GRIN2B: variants seen among roughly 807,000 people sequenced by gnomAD.
The protein encoded by GRIN2B is glutamate receptor ionotropic, NMDA 2B.
Under a neutral mutation model 114.5 loss-of-function variants are expected in GRIN2B, and 5 were observed. The observed-to-expected ratio is 0.04, with a 90% CI of 0.02 to 0.09. The LOEUF (loss-of-function observed/expected upper bound fraction) is 0.09. Ranked by LOEUF, GRIN2B falls within the 10% of genes least tolerant of loss-of-function variation. The probability of loss-of-function intolerance (pLI) is 1.00; values close to 1 mark genes in which losing one functional copy is unlikely to be tolerated. For missense variants in GRIN2B, 1,108 were observed against 1,943.5 expected (o/e 0.57, Z 8.08); for synonymous variants, 787 against 745.1 (o/e 1.06, Z -0.92).
At chr12:13,678,249 G>A (rs955223794) in intron 4 of GRIN2B, among the ~76,000 whole-genome samples, 1 of 152,088 alleles carries the variant, frequency 6.6e-6, no homozygotes, top group African/African-American at 2.4e-5. Flanking sequence ...TTTACAAATG[G>A]TAGCAGTTCT....
intron 2 of GRIN2B, among the ~76,000 whole-genome samples, chr12:13,897,963 A>T (rs1866379680): frequency 6.6e-6 from 1 of 150,806 alleles, no homozygotes; most frequent in Admixed American, 6.6e-5. Context: ...TACATTCTGC[A>T]CATGTACCCT....
Position 13,934,573 on chromosome 12 carries a change from C to T in GRIN2B, c.-19+45355G>A, listed in dbSNP as rs193182632. Among the ~76,000 whole-genome samples, 65 of 152,314 alleles carry T rather than the reference C, an allele frequency of 4.3e-4. No individual in the cohort carries two copies. The East Asian group carries it at 9.5e-3, about 22-fold the overall frequency. ...ATTCCACAGTGCTTCTCCGTTAGCA[C>T]GTCTCTCTTCCTACCCCAGGTTGAT... On this transcript the variant is annotated intron_variant, in intron 2 of 13. Transcript: ENST00000609686.
chr12:13,768,116 G>A (rs1378228432), intron 3 of GRIN2B, among the ~76,000 whole-genome samples: 2 of 152,228 alleles, frequency 1.3e-5, no homozygotes, highest in Non-Finnish European at 2.9e-5. Context: ...TCTAGAGTCA[G>A]AATTAGTTAA....
chr12:13,954,961 C>T (rs1018780016), intron 2 of GRIN2B, among the ~76,000 whole-genome samples: 3 of 151,898 alleles, frequency 2.0e-5, no homozygotes, highest in African/African-American at 7.3e-5. Flanking sequence ...TAGAGAAATG[C>T]TTTCATTATA....
intron 4 of GRIN2B, among the ~76,000 whole-genome samples, chr12:13,676,291 C>T (rs896813317): frequency 1.3e-5 from 2 of 152,056 alleles, no homozygotes; most frequent in Non-Finnish European, 2.9e-5. Context: ...CACCATGTCA[C>T]AAGTTTACCT....
chr12:13,641,658 T>C (rs1459411806), intron 5 of GRIN2B, among the ~76,000 whole-genome samples: 2 of 152,138 alleles, frequency 1.3e-5, no homozygotes, highest in African/African-American at 4.8e-5. Context: ...AACAAAGTCA[T>C]GGATGATCAT....
intron 8 of GRIN2B, among the ~76,000 whole-genome samples, chr12:13,614,695 T>C (rs1949413081): frequency 6.6e-6 from 1 of 152,190 alleles, no homozygotes; most frequent in South Asian, 2.1e-4. Context: ...TAAAAATAAA[T>C]AGATATTTCA....
intron 3 of GRIN2B, among the ~76,000 whole-genome samples, chr12:13,835,771 T>A (rs1293963911): frequency 3.3e-5 from 3 of 91,484 alleles, no homozygotes; most frequent in Admixed American, 1.3e-4. Flanking sequence ...CATAGCACAT[T>A]AAAAAAAAAA....
intron 4 of GRIN2B, among the ~76,000 whole-genome samples, chr12:13,711,938 C>A (rs997450981): frequency 1.6e-4 from 24 of 151,856 alleles, no homozygotes; most frequent in Non-Finnish European, 7.4e-5. Context: ...TGTATGTTTA[C>A]TGCGGCACTA....
rs529304146 is a variant in GRIN2B, at chr12:13,558,416, G to T, written c.*4367C>A. On this transcript the variant is annotated 3_prime_UTR_variant, in exon 14 of 14. Transcript: ENST00000609686. ...GGAATAGTTTTTCCAAAAGCTTATT[G>T]CCCAAACAATCTGGTTATTCTATCT... is the stretch of plus-strand genomic sequence containing the variant. 1.3e-5 allele frequency: 2 copies of T among 150,728 alleles called. No individual in the cohort carries two copies. The highest frequency in any genetic ancestry group is 4.9e-5 in the African/African-American group (2 of 40,946). 9.3% of individuals were successfully genotyped at this position (150,728 alleles called of 1,614,324 possible). A position where few individuals can be genotyped will look rare whatever the true frequency, so the allele number is the denominator to read the frequency against.
At chr12:13,622,866 A>G (rs77091411) in intron 5 of GRIN2B, among the ~76,000 whole-genome samples, 4,456 of 152,294 alleles carry the variant, frequency 0.029, 229 homozygotes, top group African/African-American at 0.1. Flanking sequence ...AATTGCCTCT[A>G]AAAGGTCCCA....
chr12:13,554,650 T>C lies in GRIN2B; in HGVS notation c.*8133A>G, dbSNP rs1169747396. 2 of 152,052 alleles carry C rather than the reference T, an allele frequency of 1.3e-5. No individual in the cohort carries two copies. The highest frequency in any genetic ancestry group is 2.9e-5 in the Non-Finnish European group (2 of 68,000). 9.4% of individuals were successfully genotyped at this position (152,052 alleles called of 1,614,324 possible). On this transcript the variant is annotated 3_prime_UTR_variant, in exon 14 of 14. Transcript: ENST00000609686. ...TGACATCTGATTTATATGTAGGAAGTGAGTACTGACAAGAGTAGATTCAAA... is the reference window on the plus strand; with the variant it reads ...TGACATCTGATTTATATGTAGGAAGCGAGTACTGACAAGAGTAGATTCAAA...
At chr12:13,843,252 G>GAC (rs1865416393) in intron 3 of GRIN2B, among the ~76,000 whole-genome samples, 1 of 151,174 alleles carries the variant, frequency 6.6e-6, no homozygotes, top group African/African-American at 2.4e-5. Flanking sequence ...CACTCGCACA[G>GAC]ACACACACAC....
chr12:13,753,709 G>A lies in GRIN2B; in HGVS notation c.618C>T (p.Asp206=), dbSNP rs77918519. 2.5e-6 allele frequency: 4 copies of A among 1,614,028 alleles called. No homozygotes were observed. The African/African-American group carries it at 5.3e-5, about 22-fold the overall frequency. The change falls in exon 4 of 14, where the codon GAC becomes GAT. Residue 206 remains aspartate, a synonymous_variant. Coordinates refer to ENST00000609686, the MANE Select transcript of GRIN2B (RefSeq NM_000834.5). This position sits in a 1 kb window ranked among gnomAD's most constrained non-coding sequence, Gnocchi z 6.2. ...GWELEEVLLL[D]MSLDDGDSKI... is the part of the protein sequence containing the mutation. ...TAGAATCTCCATCGTCCAGGGACAT[G>A]TCCAGTAGGAGGACCTCCTCTAGCT...
intron 3 of GRIN2B, among the ~76,000 whole-genome samples, chr12:13,811,409 C>T (rs1166437712): frequency 6.6e-6 from 1 of 152,090 alleles, no homozygotes; most frequent in Non-Finnish European, 1.5e-5. Flanking sequence ...CATAGAGAGA[C>T]CTCAACTCTA....
rs764790370 is a variant in GRIN2B, at chr12:13,570,061, A to G, written c.2172-44T>C. On this transcript the variant is annotated intron_variant, in intron 11 of 13. Coordinates refer to ENST00000609686, the MANE Select transcript of GRIN2B (RefSeq NM_000834.5). ...AACAAATCCAATGGAGGAATTTTAG[A>G]ACAAAACTACCTGTGGGGCCATTAA... 7 of 1,331,514 alleles carry G rather than the reference A, an allele frequency of 5.3e-6. No individual in the cohort carries two copies. The East Asian group carries it at 6.9e-5, about 13-fold the overall frequency. The allele number at this position is 1,331,514 out of a possible 1,614,324, so 82.5% of individuals were successfully genotyped here. A position where few individuals can be genotyped will look rare whatever the true frequency, so the allele number is the denominator to read the frequency against.
intron 3 of GRIN2B, among the ~76,000 whole-genome samples, chr12:13,824,498 A>C (rs1684985887): frequency 6.6e-6 from 1 of 152,044 alleles, no homozygotes. Flanking sequence ...TTGATAATTT[A>C]TGTTTTATCT....
chr12:13,944,307 A>T lies in GRIN2B; in HGVS notation c.-19+35621T>A, dbSNP rs182720905. Among the ~76,000 whole-genome samples, 5 of 152,282 alleles carry T rather than the reference A, an allele frequency of 3.3e-5. No homozygotes were observed. The East Asian group carries it at 7.7e-4, about 24-fold the overall frequency. Reference sequence around the variant, plus strand: ...CACTATCTCAGTCATACAACCCAACATTTCACAACACTTCACACAAGTCTA... The same window carrying T: ...CACTATCTCAGTCATACAACCCAACTTTTCACAACACTTCACACAAGTCTA... On this transcript the variant is annotated intron_variant, in intron 2 of 13. Transcript: ENST00000609686.
intron 10 of GRIN2B, 130 bp downstream of exon 10, chr12:13,608,473 C>T (rs1347928062): frequency 2.8e-6 from 2 of 718,656 alleles, no homozygotes; most frequent in Non-Finnish European, 5.0e-6. Flanking sequence ...TCCCATGTTC[C>T]AATACAAGAA....
Sources: allele counts gnomAD v4.1 joint callset (sites outside exome capture counted in the v4.1 genomes callset), GRCh38; gene constraint gnomAD v4.1.1; non-coding constraint Gnocchi (gnomAD v3.1); transcripts MANE v1.5; gene names NCBI Gene and HGNC (gene_info 2026-07-23, HGNC 2026-07-21).